ADAMTS16: variants seen among roughly 807,000 people sequenced by gnomAD.
ADAMTS16 encodes ADAM metallopeptidase with thrombospondin type 1 motif 16.
Under a neutral mutation model 145.8 loss-of-function variants are expected in ADAMTS16, and 94 were observed. That is an observed-to-expected ratio of 0.64 (90% CI 0.55 to 0.77). ADAMTS16 has a LOEUF of 0.77. ADAMTS16 is among the 30% of genes least tolerant of loss of function. The pLI, the probability that ADAMTS16 is intolerant of heterozygous loss-of-function variation, is 0.00. For missense variants in ADAMTS16, 1,585 were observed against 1,591.5 expected, an observed-to-expected ratio of 1.00 and a Z score of 0.07; for synonymous variants, 659 against 604.3, an observed-to-expected ratio of 1.09 and a Z score of -1.33.
chr5:5,206,962 T>C (rs572823398), intron 9 of ADAMTS16, among the ~76,000 whole-genome samples: 1 of 152,340 alleles, frequency 6.6e-6, no homozygotes, highest in Non-Finnish European at 1.5e-5. Context: ...TTTGTAACTT[T>C]ATAGTAAGTC....
chr5:5,161,700 A>G (rs1734747012), intron 3 of ADAMTS16, among the ~76,000 whole-genome samples: 1 of 152,118 alleles, frequency 6.6e-6, no homozygotes, highest in Non-Finnish European at 1.5e-5. Context: ...TCACATTAAT[A>G]CCATTCTTGT....
intron 17 of ADAMTS16, among the ~76,000 whole-genome samples, chr5:5,257,060 A>G (rs960939721): frequency 6.6e-6 from 1 of 152,200 alleles, no homozygotes; most frequent in Admixed American, 6.5e-5. Context: ...TTAAACAAAC[A>G]TTTGTTTCTT....
intron 18 of ADAMTS16, among the ~76,000 whole-genome samples, chr5:5,285,219 A>G (rs540030512): frequency 6.6e-6 from 1 of 152,348 alleles, no homozygotes; most frequent in East Asian, 1.9e-4. Context: ...TATAGATACC[A>G]AAGACATTAA....
intron 17 of ADAMTS16, among the ~76,000 whole-genome samples, chr5:5,257,628 G>A (rs183365224): frequency 1.3e-5 from 2 of 152,328 alleles, no homozygotes; most frequent in Non-Finnish European, 2.9e-5. Context: ...TGAGCTAGCC[G>A]GACATGAGCT....
intron 18 of ADAMTS16, among the ~76,000 whole-genome samples, chr5:5,279,964 CCTT>C (rs200709629): frequency 0.03 from 4,058 of 136,812 alleles, 78 homozygotes; most frequent in East Asian, 0.072. Flanking sequence ...TTCCTTCTTT[CCTT>C]CTTTCTTTTT....
chr5:5,214,645 C>T (rs1326368437), intron 10 of ADAMTS16, among the ~76,000 whole-genome samples: 4 of 152,210 alleles, frequency 2.6e-5, no homozygotes, highest in Non-Finnish European at 5.9e-5. Flanking sequence ...CTCAAGCAAT[C>T]CGCCTGCCTT....
chr5:5,289,392 G>A (rs1401865079), intron 18 of ADAMTS16, among the ~76,000 whole-genome samples: 1 of 152,264 alleles, frequency 6.6e-6, no homozygotes, highest in East Asian at 1.9e-4. Context: ...CAAATATTTT[G>A]TTAGAACTTC....
intron 11 of ADAMTS16, among the ~76,000 whole-genome samples, chr5:5,231,960 C>G (rs1736938715): frequency 6.6e-6 from 1 of 152,162 alleles, no homozygotes; most frequent in South Asian, 2.1e-4. Context: ...TCCAGCTGTG[C>G]TTTCCTACCT....
intron 21 of ADAMTS16, among the ~76,000 whole-genome samples, chr5:5,309,827 C>CATGTGT (rs145309188): frequency 6.8e-6 from 1 of 146,878 alleles, no homozygotes; most frequent in Non-Finnish European, 1.5e-5. Flanking sequence ...GTCATGTCCT[C>CATGTGT]GTGTGTGTGT....
intron 3 of ADAMTS16, among the ~76,000 whole-genome samples, chr5:5,172,793 T>C (rs1013514805): frequency 1.3e-5 from 2 of 152,192 alleles, no homozygotes; most frequent in African/African-American, 4.8e-5. Context: ...AATGTGTCCC[T>C]GGTGATTTTC....
Position 5,197,820 on chromosome 5 carries a change from A to T in ADAMTS16, c.1314-2312A>T, listed in dbSNP as rs140126121. Among the ~76,000 whole-genome samples, 23 of 152,296 alleles carry T rather than the reference A, an allele frequency of 1.5e-4. No homozygotes were observed. In the East Asian group the frequency reaches 4.3e-3, roughly 28 times the overall value. On this transcript the variant is annotated intron_variant, in intron 8 of 22. Coordinates refer to ENST00000274181, the MANE Select transcript of ADAMTS16 (RefSeq NM_139056.4). ...CAAATGTGGGCATTGTACTGATTGG[A>T]GACACAAATTGTGAAATAGTGGTGC...
intron 20 of ADAMTS16, among the ~76,000 whole-genome samples, chr5:5,305,856 G>A (rs1429653375): frequency 6.6e-6 from 1 of 152,242 alleles, no homozygotes; most frequent in Non-Finnish European, 1.5e-5. Context: ...AGTCTGTGGT[G>A]GGACAGTGTG....
chr5:5,232,742 T>A (rs1307227503), intron 12 of ADAMTS16, among the ~76,000 whole-genome samples: 2 of 151,722 alleles, frequency 1.3e-5, no homozygotes, highest in African/African-American at 4.8e-5. Flanking sequence ...TAGCTGGGAC[T>A]ATAGGTGCCA....
At chr5:5,236,930 T>A in intron 13 of ADAMTS16, 39 bp from the exon 14 acceptor site, 1 of 1,576,028 alleles carries the variant, frequency 6.3e-7, no homozygotes, top group South Asian at 1.2e-5. Flanking sequence ...AGCTTAAGTA[T>A]TTTTCTTATT....
intron 18 of ADAMTS16, among the ~76,000 whole-genome samples, chr5:5,264,384 G>A (rs1560976118): frequency 6.6e-6 from 1 of 151,998 alleles, no homozygotes; most frequent in Non-Finnish European, 1.5e-5. Context: ...ATAGCTCAAG[G>A]CACTCAAAGA....
At chr5:5,228,565 A>G (rs1736831910) in intron 11 of ADAMTS16, among the ~76,000 whole-genome samples, 1 of 152,160 alleles carries the variant, frequency 6.6e-6, no homozygotes, top group South Asian at 2.1e-4. Flanking sequence ...AGTAACAATA[A>G]CCACCCTTCA....
intron 21 of ADAMTS16, among the ~76,000 whole-genome samples, chr5:5,316,498 G>A (rs547011754): frequency 6.6e-6 from 1 of 152,286 alleles, no homozygotes; most frequent in Admixed American, 6.5e-5. Context: ...ACAGATTCCA[G>A]TGTCTCTGTA....
At chr5:5,275,161 A>G (rs750071925) in intron 18 of ADAMTS16, among the ~76,000 whole-genome samples, 2 of 152,196 alleles carry the variant, frequency 1.3e-5, no homozygotes, top group Non-Finnish European at 2.9e-5. Flanking sequence ...AACACAATAT[A>G]TTGTTTTTAG....
chr5:5,240,371 G>A (rs756964808), intron 16 of ADAMTS16, among the ~76,000 whole-genome samples: 1 of 152,208 alleles, frequency 6.6e-6, no homozygotes. Context: ...ACCTTGGCGG[G>A]CCACAGCTCC....
Sources: gnomAD v4.1 joint callset for allele counts (sites outside exome capture counted in the v4.1 genomes callset) on GRCh38, gnomAD v4.1.1 for gene constraint, MANE v1.5 for transcripts, NCBI Gene and HGNC (gene_info 2026-07-23, HGNC 2026-07-21) for gene names.